C8A: variants seen among roughly 807,000 people sequenced by gnomAD.
C8A encodes the protein complement component C8 alpha chain.
In C8A, 67 loss-of-function variants were observed where a neutral mutation model predicts 65.3. That is an observed-to-expected ratio of 1.03 (90% CI 0.84 to 1.26). The LOEUF (loss-of-function observed/expected upper bound fraction) is 1.26. Ranked by LOEUF, C8A falls within the 50% of genes most tolerant of loss-of-function variation. The probability of loss-of-function intolerance (pLI) is 0.00; values close to 1 mark genes in which losing one functional copy is unlikely to be tolerated. For missense variants in C8A, 781 were observed against 723.9 expected (o/e 1.08, Z -0.90); for synonymous variants, 290 against 259.4 (o/e 1.12, Z -1.13).
intron 7 of C8A, among the ~76,000 whole-genome samples, chr1:56,899,369 C>T (rs1380505121): frequency 1.3e-5 from 2 of 152,164 alleles, no homozygotes; most frequent in African/African-American, 4.8e-5. Context: ...GGACACAGGC[C>T]TTGGTTCAAT....
intron 7 of C8A, among the ~76,000 whole-genome samples, chr1:56,887,664 C>T (rs189929167): frequency 1.3e-3 from 199 of 152,226 alleles, no homozygotes; most frequent in African/African-American, 4.7e-3. Context: ...AATTATTCTA[C>T]TATAAAGACA....
At position 56,893,245 on chromosome 1, in the gene C8A, A is replaced by G. The variant is rs919484283; in HGVS notation, c.1096+7078A>G. On this transcript the variant is annotated intron_variant, in intron 7 of 10. Coordinates refer to ENST00000361249, the MANE Select transcript of C8A (RefSeq NM_000562.3). ...ATTAACCAAGATAGTCATGAAAAGC[A>G]CTGTGATACCTTAAATACTGTCCAA... is the stretch of plus-strand genomic sequence containing the variant. 2.6e-5 allele frequency among the ~76,000 whole-genome samples: 4 copies of G among 152,312 alleles called. No individual in the cohort carries two copies. The East Asian group carries it at 7.7e-4, about 29-fold the overall frequency.
At chr1:56,908,297 G>T (rs552844748) in intron 9 of C8A, among the ~76,000 whole-genome samples, 184 bp downstream of exon 9, 1 of 152,124 alleles carries the variant, frequency 6.6e-6, no homozygotes, top group Non-Finnish European at 1.5e-5. Flanking sequence ...CCCAGGCCAC[G>T]GGACAGCTGG....
intron 10 of C8A, among the ~76,000 whole-genome samples, chr1:56,916,683 G>A (rs927859743): frequency 1.3e-5 from 2 of 152,178 alleles, no homozygotes; most frequent in Admixed American, 6.5e-5. Context: ...TAGAGGTTGG[G>A]GGTCTATGTA....
In C8A at chr1:56,875,010, T is replaced by G. The variant is rs557450862; in HGVS notation, c.233T>G (p.Ile78Ser). ...KFGGTICSGD[I>S]WDQASCSSST... ...GGGGGAACCATCTGCAGTGGTGACA[T>G]CTGGGATCAAGCCAGCTGCTCCAGT... Residue 78 changes from isoleucine (I) to serine (S), a missense_variant, in exon 3 of 11, where the codon ATC becomes AGC. Physicochemically the swap from Ile to Ser is moderately radical, Grantham distance 142 (BLOSUM62 -2). Coordinates refer to ENST00000361249, the MANE Select transcript of C8A (RefSeq NM_000562.3). The G allele has an allele frequency of 6.2e-7, 1 of 1,613,786 alleles. No homozygotes were observed. Among genetic ancestry groups the G allele is most frequent in the Non-Finnish European group, 8.5e-7 (1 of 1,179,830 alleles).
chr1:56,910,329 T>C (rs1230853160), intron 9 of C8A, among the ~76,000 whole-genome samples: 1 of 152,222 alleles, frequency 6.6e-6, no homozygotes, highest in African/African-American at 2.4e-5. Flanking sequence ...CCTCTGAGTC[T>C]TTTTTCTCAT....
intron 4 of C8A, among the ~76,000 whole-genome samples, chr1:56,878,696 A>T (rs1379317892): frequency 1.3e-5 from 2 of 152,162 alleles, no homozygotes; most frequent in South Asian, 2.1e-4. Flanking sequence ...TGTTTGAAAT[A>T]AAAATTGACA....
At chr1:56,893,904 A>C (rs377553276) in intron 7 of C8A, among the ~76,000 whole-genome samples, 1 of 152,242 alleles carries the variant, frequency 6.6e-6, no homozygotes, top group African/African-American at 2.4e-5. Context: ...ACCTCACTGT[A>C]CCTCAGTTTC....
At chr1:56,907,141 G>A (rs1644472655) in intron 8 of C8A, among the ~76,000 whole-genome samples, 1 of 152,174 alleles carries the variant, frequency 6.6e-6, no homozygotes, top group African/African-American at 2.4e-5. Flanking sequence ...AGGCTGTTGA[G>A]AGAGAATATG....
At chr1:56,882,875 A>G (rs1644259119) in intron 5 of C8A, among the ~76,000 whole-genome samples, 1 of 152,120 alleles carries the variant, frequency 6.6e-6, no homozygotes, top group African/African-American at 2.4e-5. Flanking sequence ...ACCATCACAG[A>G]CACTCAGGGA....
intron 7 of C8A, among the ~76,000 whole-genome samples, chr1:56,902,135 C>G (rs1184807710): frequency 2.0e-5 from 3 of 152,138 alleles, no homozygotes; most frequent in Non-Finnish European, 2.9e-5. Context: ...AAACAGCCAG[C>G]CTCAGCTTGG....
At chr1:56,916,922 G>A (rs1214407379) in intron 10 of C8A, among the ~76,000 whole-genome samples, 4 of 152,184 alleles carry the variant, frequency 2.6e-5, no homozygotes, top group Non-Finnish European at 5.9e-5. Flanking sequence ...AATCTGAGGG[G>A]GTTTGATTTG....
chr1:56,906,136 A>G (rs532048825), intron 7 of C8A, among the ~76,000 whole-genome samples: 2 of 152,328 alleles, frequency 1.3e-5, no homozygotes, highest in African/African-American at 4.8e-5. Context: ...TGTGATGAAG[A>G]TGATCATTCA....
intron 4 of C8A, among the ~76,000 whole-genome samples, chr1:56,879,532 A>G (rs1570326926): frequency 6.6e-6 from 1 of 152,198 alleles, no homozygotes. Flanking sequence ...AGGCAGAAAC[A>G]TGTTCAATGG....
intron 2 of C8A, among the ~76,000 whole-genome samples, chr1:56,868,873 T>G (rs928733605): frequency 6.6e-6 from 1 of 152,186 alleles, no homozygotes; most frequent in Non-Finnish European, 1.5e-5. Flanking sequence ...TCTTTGTGCC[T>G]CAGTTTCATT....
In C8A at chr1:56,908,026, C is replaced by T. The variant is rs757671432; in HGVS notation, c.1293C>T (p.Ser431=). 58 of 1,613,958 alleles carry T rather than the reference C, an allele frequency of 3.6e-5. No individual in the cohort carries two copies. The highest frequency in any genetic ancestry group is 4.2e-5 in the Non-Finnish European group (50 of 1,180,006). ...TGCGAGGTGGCAGTTCTGGCTGGAG[C>T]GGTGGCTTGGCACAGAACAGGAGCA... is the stretch of plus-strand genomic sequence containing the variant. ...SRVRGGSSGW[S]GGLAQNRSTI... The change falls in exon 9 of 11, where the codon AGC becomes AGT. Residue 431 remains serine, a synonymous_variant. Transcript: ENST00000361249.
In C8A at chr1:56,885,994, T is replaced by C. The variant is rs759999228; in HGVS notation, c.923T>C (p.Ile308Thr). ...TAHFKMRKDD[I>T]MLDEGMLQSL... The stretch of plus-strand genomic sequence containing the variant: ...CATTTTAAGATGAGGAAGGATGACA[T>C]TATGCTGGATGAAGGAATGCTGCAG... The change falls in exon 7 of 11, where the codon ATT becomes ACT. Residue 308 changes from isoleucine to threonine, a missense_variant. Physicochemically the swap from Ile to Thr is moderately conservative, Grantham distance 89. Transcript: ENST00000361249. 1.2e-6 allele frequency: 2 copies of C among 1,614,036 alleles called. No homozygotes were observed. The highest frequency in any genetic ancestry group is 1.7e-6 in the Non-Finnish European group (2 of 1,179,936).
intron 7 of C8A, among the ~76,000 whole-genome samples, chr1:56,892,121 C>T (rs536104830): frequency 1.6e-4 from 24 of 152,146 alleles, no homozygotes; most frequent in South Asian, 1.0e-3. Flanking sequence ...CTCCAGAATC[C>T]CTACCCATAT....
At chr1:56,913,461 AAGC>A (rs1644526504) in intron 10 of C8A, among the ~76,000 whole-genome samples, 1 of 152,254 alleles carries the variant, frequency 6.6e-6, no homozygotes, top group Non-Finnish European at 1.5e-5. Context: ...GTTATCAAAC[AAGC>A]ATTAAAAGTC....
Sources: allele counts gnomAD v4.1 joint callset (sites outside exome capture counted in the v4.1 genomes callset), GRCh38; gene constraint gnomAD v4.1.1; transcripts MANE v1.5; gene names NCBI Gene and HGNC (gene_info 2026-07-23, HGNC 2026-07-21).